The following WDFY3 variants were observed in gnomAD, a reference collection of about 807,000 sequenced individuals.
WDFY3 encodes the protein WD repeat and FYVE domain containing 3.
A neutral mutation model predicts 409.6 loss-of-function variants in WDFY3; 66 were observed. That is an observed-to-expected ratio of 0.16 (90% CI 0.13 to 0.20). The LOEUF is 0.20. Ranked by LOEUF, WDFY3 falls within the 10% of genes least tolerant of loss-of-function variation. The pLI, the probability that WDFY3 is intolerant of heterozygous loss-of-function variation, is 1.00. For missense variants in WDFY3, 3,031 were observed against 4,298.1 expected (o/e 0.71, Z 8.24); for synonymous variants, 1,521 against 1,537.1 (o/e 0.99, Z 0.25).
chr4:84,805,434 T>C (rs1405671110), intron 15 of WDFY3, among the ~76,000 whole-genome samples: 4 of 152,150 alleles, frequency 2.6e-5, no homozygotes, highest in African/African-American at 9.6e-5. Context: ...ACGGTATTTA[T>C]TAACTAAAAT....
chr4:84,826,093 C>T (rs530865266), intron 10 of WDFY3, among the ~76,000 whole-genome samples: 42 of 152,224 alleles, frequency 2.8e-4, no homozygotes, highest in African/African-American at 9.9e-4. Flanking sequence ...AGTTATACTT[C>T]ATGCTGTCCA....
At chr4:84,827,032 C>T in intron 9 of WDFY3, 51 bp from the exon 10 acceptor site, 1 of 1,564,006 alleles carries the variant, frequency 6.4e-7, no homozygotes, top group African/African-American at 1.4e-5. Flanking sequence ...GTTGTGTTCT[C>T]AGATTTAACA....
intron 55 of WDFY3, among the ~76,000 whole-genome samples, chr4:84,702,913 G>A (rs1255692361): frequency 2.0e-5 from 3 of 152,062 alleles, no homozygotes; most frequent in Non-Finnish European, 4.4e-5. Context: ...TGGCTAACAC[G>A]GTGAAACCCC....
chr4:84,741,855 T>C lies in WDFY3; in HGVS notation c.6140A>G (p.Tyr2047Cys). Residue 2047 changes from tyrosine (Y) to cysteine (C), a missense_variant, in exon 38 of 68, where the codon TAT becomes TGT. Physicochemically the swap from Tyr to Cys is radical, Grantham distance 194 (BLOSUM62 -2). Transcript: ENST00000295888. ...SYQVLVNNVF[Y>C]FTQRVVDKLW... ...CTTGTCCACCACACGCTGTGTGAAATAAAACACATTGTTCACCAATACCTG... is the reference window on the plus strand; with the variant it reads ...CTTGTCCACCACACGCTGTGTGAAACAAAACACATTGTTCACCAATACCTG... The C allele has an allele frequency of 1.9e-6, 3 of 1,613,116 alleles. No individual in the cohort carries two copies. The highest frequency in any genetic ancestry group is 2.5e-6 in the Non-Finnish European group (3 of 1,179,202).
At chr4:84,833,341 T>C (rs977032173) in intron 7 of WDFY3, among the ~76,000 whole-genome samples, 2 of 152,138 alleles carry the variant, frequency 1.3e-5, no homozygotes, top group Non-Finnish European at 2.9e-5. Context: ...TTTATTCTCT[T>C]GAAAAAGAGC....
At chr4:84,793,426 G>GA (rs1050054124) in intron 21 of WDFY3, among the ~76,000 whole-genome samples, 8 of 150,968 alleles carry the variant, frequency 5.3e-5, no homozygotes, top group African/African-American at 1.2e-4. Context: ...ATAGACAAAT[G>GA]AAAAAAAAAC....
chr4:84,854,814 C>T lies in WDFY3; in HGVS notation c.181-4789G>A, dbSNP rs143861841. 4.3e-3 allele frequency among the ~76,000 whole-genome samples: 653 copies of T among 152,272 alleles called. 4 individuals carry two copies. The highest frequency in any genetic ancestry group is 0.015 in the African/African-American group (611 of 41,562). ...GTCCCAGCCACTTGGGAGGCTGAGG[C>T]ATAAGAATAGCTTGAACCTGGGAGG... On this transcript the variant is annotated intron_variant, in intron 4 of 67. Transcript: ENST00000295888.
chr4:84,735,523 T>C (rs1737297429), intron 42 of WDFY3, among the ~76,000 whole-genome samples: 1 of 152,202 alleles, frequency 6.6e-6, no homozygotes, highest in East Asian at 1.9e-4. Flanking sequence ...AGGCTGTCAC[T>C]AGACCAGCAC....
chr4:84,768,404 CTGACT>C (rs1744062021), intron 30 of WDFY3, among the ~76,000 whole-genome samples: 1 of 152,176 alleles, frequency 6.6e-6, no homozygotes, highest in Admixed American at 6.5e-5. Context: ...AAGAACAGAG[CTGACT>C]CTCTTGTTAG....
At chr4:84,728,744 A>G (rs1267525085) in intron 44 of WDFY3, among the ~76,000 whole-genome samples, 1 of 152,146 alleles carries the variant, frequency 6.6e-6, no homozygotes, top group Non-Finnish European at 1.5e-5. Flanking sequence ...TCACTGATTG[A>G]TTAACCGGTT....
chr4:84,751,142 C>T (rs1205172881), intron 36 of WDFY3: 1 of 338,422 alleles, frequency 3.0e-6, no homozygotes, highest in Non-Finnish European at 5.7e-6. Context: ...TTGTCCATGG[C>T]TGCTTTCTAG....
chr4:84,690,837 C>T (rs1729142448), intron 60 of WDFY3, among the ~76,000 whole-genome samples, 173 bp from the exon 61 acceptor site: 1 of 152,194 alleles, frequency 6.6e-6, no homozygotes, highest in Non-Finnish European at 1.5e-5. Context: ...CCCTGAACTA[C>T]CCCTACCGCC....
chr4:84,789,918 G>C lies in WDFY3; in HGVS notation c.3488-11C>G. ...CACTAAAATCATCAACTGAAATAAA[G>C]GGGGGAAGACATAAAAACTTTTTCC... On this transcript the variant is annotated splice_polypyrimidine_tract_variant and intron_variant, in intron 21 of 67. Transcript: ENST00000295888. 1.9e-6 allele frequency: 3 copies of C among 1,613,468 alleles called. No homozygotes were observed. Among genetic ancestry groups the C allele is most frequent in the Non-Finnish European group, 2.5e-6 (3 of 1,179,646 alleles).
chr4:84,729,227 A>G (rs1410162426), intron 44 of WDFY3, among the ~76,000 whole-genome samples: 1 of 151,960 alleles, frequency 6.6e-6, no homozygotes, highest in Non-Finnish European at 1.5e-5. Context: ...ATATTTAAAT[A>G]TAATTTTTTT....
intron 1 of WDFY3, among the ~76,000 whole-genome samples, chr4:84,949,935 T>C (rs1339877724): frequency 6.6e-6 from 1 of 152,186 alleles, no homozygotes; most frequent in Non-Finnish European, 1.5e-5. Context: ...ATCTCAAAAA[T>C]AGATGCTGTT....
intron 4 of WDFY3, among the ~76,000 whole-genome samples, chr4:84,858,219 C>T (rs552731415): frequency 2.8e-4 from 43 of 152,254 alleles, no homozygotes; most frequent in African/African-American, 7.2e-4. Context: ...TTAACCCTCA[C>T]GACAACCCAA....
intron 11 of WDFY3, among the ~76,000 whole-genome samples, chr4:84,820,655 T>C (rs1753925889): frequency 6.6e-6 from 1 of 152,122 alleles, no homozygotes; most frequent in South Asian, 2.1e-4. Flanking sequence ...ACATTGTGTA[T>C]ATAACATCAT....
At chr4:84,772,096 G>A (rs148948711) in intron 30 of WDFY3, among the ~76,000 whole-genome samples, 139 of 152,212 alleles carry the variant, frequency 9.1e-4, no homozygotes, top group African/African-American at 3.2e-3. Flanking sequence ...GGGGTTGTAT[G>A]GACTTAAATA....
intron 23 of WDFY3, 90 bp downstream of exon 23, chr4:84,787,390 TAA>T: frequency 7.9e-7 from 1 of 1,267,578 alleles, no homozygotes; most frequent in South Asian, 1.5e-5. Context: ...TTTCCTAGAT[TAA>T]CAATATGTAT....
Sources: allele counts gnomAD v4.1 joint callset (sites outside exome capture counted in the v4.1 genomes callset), GRCh38; gene constraint gnomAD v4.1.1; transcripts MANE v1.5; gene names NCBI Gene and HGNC (gene_info 2026-07-23, HGNC 2026-07-21).